ARHGAP15: variants seen among roughly 807,000 people sequenced by gnomAD.
ARHGAP15 encodes rho GTPase-activating protein 15.
A neutral mutation model predicts 63.7 loss-of-function variants in ARHGAP15; 51 were observed. That is an observed-to-expected ratio of 0.80 (90% CI 0.64 to 1.01). The LOEUF is 1.01. Among genes scored for constraint, ARHGAP15 ranks in the 50% least tolerant of loss-of-function variants. ARHGAP15 has a pLI of 0.00. For synonymous variants in ARHGAP15, 191 were observed against 193.8 expected, an observed-to-expected ratio of 0.99 and a Z score of 0.12; for missense variants, 560 against 564.6, an observed-to-expected ratio of 0.99 and a Z score of 0.08.
chr2:143,518,570 T>A (rs989804458), intron 9 of ARHGAP15, among the ~76,000 whole-genome samples: 1 of 152,246 alleles, frequency 6.6e-6, no homozygotes, highest in Non-Finnish European at 1.5e-5. Flanking sequence ...CAGAACCTAA[T>A]GATGTGAAAC....
At chr2:143,746,211 CTAAAG>C (rs964437605) in intron 13 of ARHGAP15, among the ~76,000 whole-genome samples, 1 of 152,064 alleles carries the variant, frequency 6.6e-6, no homozygotes, top group Non-Finnish European at 1.5e-5. Flanking sequence ...ATACCTTAAC[CTAAAG>C]TAATTTCACA....
At chr2:143,747,045 A>T (rs1686193086) in intron 13 of ARHGAP15, among the ~76,000 whole-genome samples, 1 of 152,034 alleles carries the variant, frequency 6.6e-6, no homozygotes, top group African/African-American at 2.4e-5. Flanking sequence ...ATTTAGGTTT[A>T]AAAAACTGAT....
intron 11 of ARHGAP15, among the ~76,000 whole-genome samples, chr2:143,581,358 C>G (rs1482263308): frequency 6.6e-6 from 1 of 152,094 alleles, no homozygotes; most frequent in Non-Finnish European, 1.5e-5. Flanking sequence ...GCAGTCACAT[C>G]TTGGAGTGCC....
rs998211114 is a variant in ARHGAP15, at chr2:143,198,696, G to A, written c.166-3438G>A. Among the ~76,000 whole-genome samples the A allele has an allele frequency of 3.3e-5, 5 of 152,088 alleles. No individual in the cohort carries two copies. In the East Asian group the frequency reaches 9.6e-4, roughly 29 times the overall value. ...TGGAAAGGAATATTAAGAGGCAAGT[G>A]GGTCTGTATGCCCATAAGAATTTAG... On this transcript the variant is annotated intron_variant, in intron 2 of 13. Transcript: ENST00000295095.
At chr2:143,702,390 C>G (rs73961842) in intron 12 of ARHGAP15, among the ~76,000 whole-genome samples, 96 of 152,094 alleles carry the variant, frequency 6.3e-4, no homozygotes, top group African/African-American at 2.2e-3. Flanking sequence ...ATGTTTATGA[C>G]CAGGAAATAT....
intron 2 of ARHGAP15, among the ~76,000 whole-genome samples, chr2:143,173,765 A>G (rs1690896970): frequency 6.6e-6 from 1 of 152,124 alleles, no homozygotes; most frequent in Non-Finnish European, 1.5e-5. Flanking sequence ...GATTGATAAC[A>G]GTCTCTGGAC....
At chr2:143,299,513 A>T (rs993968589) in intron 6 of ARHGAP15, among the ~76,000 whole-genome samples, 1 of 151,960 alleles carries the variant, frequency 6.6e-6, no homozygotes, top group Non-Finnish European at 1.5e-5. Flanking sequence ...ATAATCGTTG[A>T]GATATGAGAG....
intron 6 of ARHGAP15, among the ~76,000 whole-genome samples, chr2:143,292,066 C>G (rs543302102): frequency 6.6e-6 from 1 of 151,804 alleles, no homozygotes; most frequent in Non-Finnish European, 1.5e-5. Flanking sequence ...AGCCAAGTGC[C>G]CCAAATTAAT....
intron 6 of ARHGAP15, among the ~76,000 whole-genome samples, chr2:143,387,262 C>T (rs993689632): frequency 1.3e-5 from 2 of 152,094 alleles, no homozygotes; most frequent in African/African-American, 4.8e-5. Flanking sequence ...AATTTAGGAA[C>T]ATTGATGAAT....
chr2:143,201,296 T>A (rs916975654), intron 2 of ARHGAP15, among the ~76,000 whole-genome samples: 21 of 151,242 alleles, frequency 1.4e-4, no homozygotes, highest in East Asian at 9.8e-4. Context: ...TAAAAAAAAA[T>A]TTTTTTTGTA....
At chr2:143,415,985 G>C (rs191423304) in intron 6 of ARHGAP15, among the ~76,000 whole-genome samples, 1 of 152,118 alleles carries the variant, frequency 6.6e-6, no homozygotes, top group Non-Finnish European at 1.5e-5. Context: ...GAAAGGGTGG[G>C]AAGGGGCTAA....
At chr2:143,609,603 T>C (rs1008225167) in intron 11 of ARHGAP15, among the ~76,000 whole-genome samples, 8 of 152,158 alleles carry the variant, frequency 5.3e-5, no homozygotes, top group Non-Finnish European at 1.2e-4. Context: ...TCTGAGATTC[T>C]GAAATATTTC....
intron 6 of ARHGAP15, among the ~76,000 whole-genome samples, chr2:143,326,601 G>C (rs1438649756): frequency 6.6e-6 from 1 of 152,064 alleles, no homozygotes; most frequent in African/African-American, 2.4e-5. Context: ...AATTTTCTGA[G>C]TTACTGTACA....
intron 6 of ARHGAP15, among the ~76,000 whole-genome samples, chr2:143,392,713 T>C (rs981636278): frequency 1.3e-5 from 2 of 152,278 alleles, no homozygotes; most frequent in African/African-American, 2.4e-5. Flanking sequence ...AATTAATGAA[T>C]CTGCTGAGAG....
chr2:143,193,856 A>G (rs1691772386), intron 2 of ARHGAP15, among the ~76,000 whole-genome samples: 2 of 152,230 alleles, frequency 1.3e-5, no homozygotes, highest in Admixed American at 1.3e-4. Context: ...TAGATCTATC[A>G]TGGATCAGAG....
At chr2:143,262,225 T>G (rs1351096913) in intron 6 of ARHGAP15, among the ~76,000 whole-genome samples, 3 of 152,202 alleles carry the variant, frequency 2.0e-5, no homozygotes, top group Non-Finnish European at 4.4e-5. Context: ...AAGCATCTGA[T>G]GCAATTTACC....
At chr2:143,373,015 G>A (rs1686630282) in intron 6 of ARHGAP15, among the ~76,000 whole-genome samples, 2 of 149,234 alleles carry the variant, frequency 1.3e-5, no homozygotes, top group Non-Finnish European at 3.0e-5. Flanking sequence ...TAGTGAGGGA[G>A]ATACACATTT....
chr2:143,235,734 G>T lies in ARHGAP15; in HGVS notation c.384+7066G>T, dbSNP rs529444576. Among the ~76,000 whole-genome samples the T allele has an allele frequency of 8.5e-5, 13 of 152,284 alleles. 1 individual carries two copies. The South Asian group carries it at 1.7e-3, about 19-fold the overall frequency. On this transcript the variant is annotated intron_variant, in intron 5 of 13. Coordinates refer to ENST00000295095, the MANE Select transcript of ARHGAP15 (RefSeq NM_018460.4). ...AGAAGTGAAAACTTTTTCCTCAAAA[G>T]CACCCACACTAGTGTTTGTTTCATC...
At chr2:143,636,842 G>C (rs1455960040) in intron 12 of ARHGAP15, among the ~76,000 whole-genome samples, 1 of 152,082 alleles carries the variant, frequency 6.6e-6, no homozygotes, top group Admixed American at 6.6e-5. Flanking sequence ...AAATACCAGA[G>C]AGTGTGTGGC....
Sources: allele counts gnomAD v4.1 joint callset (sites outside exome capture counted in the v4.1 genomes callset), GRCh38; gene constraint gnomAD v4.1.1; transcripts MANE v1.5; gene names NCBI Gene and HGNC (gene_info 2026-07-23, HGNC 2026-07-21).